Variants in ATP2C2 observed in about 807,000 individuals in gnomAD.
ATP2C2 encodes the protein calcium-transporting ATPase type 2C member 2.
ATP2C2 carries 171 observed loss-of-function variants against 110.8 expected under a neutral mutation model. The ratio of observed to expected loss-of-function variants is 1.54; its 90% CI spans 1.36 to 1.75. The LOEUF (loss-of-function observed/expected upper bound fraction) is 1.75, where lower values mean the gene tolerates loss of function less well. Among genes scored for constraint, ATP2C2 ranks in the 40% most tolerant of loss-of-function variants. ATP2C2 has a pLI of 0.00. For synonymous variants in ATP2C2, 804 were observed against 508.4 expected, an observed-to-expected ratio of 1.58 and a Z score of -7.82; for missense variants, 1,963 against 1,235.0, an observed-to-expected ratio of 1.59 and a Z score of -8.84.
chr16:84,443,557 T>G (rs1909465413), intron 15 of ATP2C2, among the ~76,000 whole-genome samples: 1 of 152,208 alleles, frequency 6.6e-6, no homozygotes, highest in African/African-American at 2.4e-5. Context: ...TCCTGGACTT[T>G]GACCACTCCT....
rs368120764 is a variant in ATP2C2 at position 84,396,504 on chromosome 16, C to G, written c.100-1995C>G. ...GGAGGAGGTTGTAGTGAGCCGAGGT[C>G]GCACCACTGCACTCCAGCCTGGGTG... is the stretch of plus-strand genomic sequence containing the variant. On this transcript the variant is annotated intron_variant, in intron 1 of 26. Coordinates refer to ENST00000262429, the MANE Select transcript of ATP2C2 (RefSeq NM_014861.4). Among the ~76,000 whole-genome samples, 5 of 143,650 alleles carry G rather than the reference C, an allele frequency of 3.5e-5. No homozygotes were observed. In the East Asian group the frequency reaches 8.2e-4, roughly 24 times the overall value. 94.2% of individuals were successfully genotyped at this position (143,650 alleles called of 152,430 possible).
intron 6 of ATP2C2, among the ~76,000 whole-genome samples, chr16:84,413,185 C>A (rs540010647): frequency 2.0e-4 from 30 of 151,778 alleles, no homozygotes; most frequent in African/African-American, 6.8e-4. Flanking sequence ...CCATTTCCAA[C>A]ATTTGGCAAA....
chr16:84,455,225 T>G (rs1910689159), intron 21 of ATP2C2, among the ~76,000 whole-genome samples: 1 of 152,028 alleles, frequency 6.6e-6, no homozygotes, highest in Admixed American at 6.5e-5. Flanking sequence ...AGGGGAATGT[T>G]ACGGATATGA....
chr16:84,383,888 C>T (rs529287849), intron 1 of ATP2C2, among the ~76,000 whole-genome samples: 1 of 149,856 alleles, frequency 6.7e-6, no homozygotes, highest in African/African-American at 2.4e-5. Flanking sequence ...CTCTCAGGCT[C>T]AAGCGATCCT....
intron 2 of ATP2C2, among the ~76,000 whole-genome samples, chr16:84,403,728 T>C (rs1370278928): frequency 6.6e-6 from 1 of 152,048 alleles, no homozygotes; most frequent in East Asian, 1.9e-4. Flanking sequence ...TTCCTTCTTG[T>C]TGCCCAGGCT....
At chr16:84,451,769 C>A (rs534952433) in intron 17 of ATP2C2, 152 bp from the exon 18 acceptor site, 2 of 757,296 alleles carry the variant, frequency 2.6e-6, no homozygotes, top group East Asian at 2.5e-5. Flanking sequence ...ACCCAGGAGG[C>A]AGAGGCTGCA....
intron 13 of ATP2C2, among the ~76,000 whole-genome samples, chr16:84,440,393 G>T (rs897992032): frequency 6.6e-6 from 1 of 152,216 alleles, no homozygotes; most frequent in African/African-American, 2.4e-5. Flanking sequence ...TGGTCCATGG[G>T]CCAGTGCTTG....
intron 7 of ATP2C2, among the ~76,000 whole-genome samples, 167 bp downstream of exon 7, chr16:84,415,758 G>A (rs1259754390): frequency 1.3e-5 from 2 of 152,184 alleles, no homozygotes; most frequent in East Asian, 3.8e-4. Flanking sequence ...CGTGTTCTAC[G>A]CATAGAGCCC....
intron 1 of ATP2C2, among the ~76,000 whole-genome samples, chr16:84,372,568 G>A (rs915874072): frequency 4.0e-5 from 6 of 151,892 alleles, no homozygotes; most frequent in Non-Finnish European, 7.4e-5. Flanking sequence ...GGGATTACAG[G>A]CACCCGCCAC....
At chr16:84,462,158 G>A (rs370242831) in intron 26 of ATP2C2, 29 bp downstream of exon 26, 1 of 1,599,248 alleles carries the variant, frequency 6.3e-7, no homozygotes, top group Non-Finnish European at 8.5e-7. Context: ...AACGACAGGT[G>A]ACCTCGACCA....
At position 84,405,179 on chromosome 16, in the gene ATP2C2, G is replaced by T; in HGVS notation, c.262G>T (p.Ala88Ser). 1 of 1,613,960 alleles carries T rather than the reference G, an allele frequency of 6.2e-7. No individual in the cohort carries two copies. The highest frequency in any genetic ancestry group is 8.5e-7 in the Non-Finnish European group (1 of 1,179,998). Residue 88 changes from alanine (A) to serine (S), a missense_variant, in exon 3 of 27, where the codon GCC becomes TCC. By Grantham distance (99) the Ala-to-Ser change is moderately conservative. Coordinates refer to ENST00000262429, the MANE Select transcript of ATP2C2 (RefSeq NM_014861.4). ...SEFSVTQRRL[A>S]HGWNEFVADN... ...GTTCTCGGTGACGCAGCGCCGGCTGGCCCATGGCTGGAATGAGTTTGTTGC... is the reference window on the plus strand; with the variant it reads ...GTTCTCGGTGACGCAGCGCCGGCTGTCCCATGGCTGGAATGAGTTTGTTGC...
intron 1 of ATP2C2, among the ~76,000 whole-genome samples, chr16:84,372,059 G>C (rs1316922917): frequency 1.3e-5 from 2 of 152,190 alleles, no homozygotes; most frequent in East Asian, 3.8e-4. Flanking sequence ...TTGACAGCGA[G>C]TTCTAGACAG....
intron 2 of ATP2C2, among the ~76,000 whole-genome samples, chr16:84,403,140 A>T (rs1249755348): frequency 2.0e-5 from 3 of 151,414 alleles, no homozygotes; most frequent in African/African-American, 4.9e-5. Context: ...TTCCTTTTTC[A>T]TTTCTGTTTG....
At chr16:84,431,458 T>G (rs1320101790) in intron 11 of ATP2C2, among the ~76,000 whole-genome samples, 1 of 151,914 alleles carries the variant, frequency 6.6e-6, no homozygotes, top group Non-Finnish European at 1.5e-5. Context: ...ATCTCACCAC[T>G]GCACCCCAAC....
chr16:84,460,590 G>A (rs752173521), intron 23 of ATP2C2, 64 bp from the exon 24 acceptor site: 11 of 1,610,750 alleles, frequency 6.8e-6, no homozygotes, highest in South Asian at 2.2e-5. Context: ...AGGCACAGCT[G>A]TTTCAAGGGT....
At chr16:84,369,577 A>G (rs1050843219) in intron 1 of ATP2C2, among the ~76,000 whole-genome samples, 1 of 152,102 alleles carries the variant, frequency 6.6e-6, no homozygotes, top group African/African-American at 2.4e-5. Context: ...TGGGTTGCTA[A>G]TTAGAAATAT....
chr16:84,412,831 C>G (rs1482810703), intron 6 of ATP2C2, among the ~76,000 whole-genome samples: 1 of 152,048 alleles, frequency 6.6e-6, no homozygotes, highest in South Asian at 2.1e-4. Context: ...CGCGGTGGCT[C>G]ACACCTGTAA....
chr16:84,416,179 G>C (rs1311284781), intron 7 of ATP2C2, among the ~76,000 whole-genome samples: 1 of 152,196 alleles, frequency 6.6e-6, no homozygotes, highest in African/African-American at 2.4e-5. Context: ...CACGCTTTTA[G>C]AGTAGTGAGG....
At chr16:84,375,752 C>T (rs981723577) in intron 1 of ATP2C2, among the ~76,000 whole-genome samples, 3 of 152,176 alleles carry the variant, frequency 2.0e-5, no homozygotes, top group African/African-American at 7.2e-5. Context: ...GGAGAAAGAT[C>T]ATTTTGAGCA....
Sources: gnomAD v4.1 joint callset for allele counts (sites outside exome capture counted in the v4.1 genomes callset) on GRCh38, gnomAD v4.1.1 for gene constraint, MANE v1.5 for transcripts, NCBI Gene and HGNC (gene_info 2026-07-23, HGNC 2026-07-21) for gene names.